TSPAN11: variants seen among roughly 807,000 people sequenced by gnomAD.
TSPAN11 encodes tetraspanin 11, also known as tetraspanin-11.
In TSPAN11, 29 loss-of-function variants were observed where a neutral mutation model predicts 32.9. The ratio of observed to expected loss-of-function variants is 0.88; its 90% CI spans 0.66 to 1.20. The LOEUF is 1.20. TSPAN11 is among the 50% of genes most tolerant of loss of function. TSPAN11 has a pLI of 0.00. For missense variants in TSPAN11, 283 were observed against 329.1 expected (o/e 0.86, Z 1.08); for synonymous variants, 140 against 141.3 (o/e 0.99, Z 0.07).
chr12:31,000,936 AAAGGCTGT>A (rs2140321375), downstream of TSPAN11, among the ~76,000 whole-genome samples: 1 of 152,148 alleles, frequency 6.6e-6, no homozygotes, highest in Non-Finnish European at 1.5e-5. Flanking sequence ...AGTTAACCAC[AAAGGCTGT>A]GCATCTCTCA....
chr12:31,011,810 A>T, the TSPAN11 span, among the ~76,000 whole-genome samples: 8 of 152,256 alleles, frequency 5.3e-5, no homozygotes, highest in Non-Finnish European at 1.0e-4. Flanking sequence ...TCTCAGGTGT[A>T]TGGCGGCAAA....
At chr12:30,929,766 T>G (rs1937879356) in intron 1 of TSPAN11, among the ~76,000 whole-genome samples, 1 of 152,224 alleles carries the variant, frequency 6.6e-6, no homozygotes, top group African/African-American at 2.4e-5. Context: ...GACCCTGATC[T>G]GTATTTACAG....
intron 7 of TSPAN11, among the ~76,000 whole-genome samples, chr12:30,983,570 C>T (rs1022289480): frequency 7.2e-5 from 11 of 151,986 alleles, no homozygotes; most frequent in African/African-American, 2.7e-4. Context: ...TGTGAGTGTG[C>T]ACGTATCTGC....
intron 1 of TSPAN11, among the ~76,000 whole-genome samples, chr12:30,931,567 C>T (rs1475791404): frequency 6.6e-6 from 1 of 152,070 alleles, no homozygotes; most frequent in Non-Finnish European, 1.5e-5. Context: ...AAACCACGGT[C>T]CTATACTGTG....
At chr12:31,010,493 A>AC in the TSPAN11 span, among the ~76,000 whole-genome samples, 1 of 152,138 alleles carries the variant, frequency 6.6e-6, no homozygotes, top group Admixed American at 6.5e-5. Context: ...CAGGGTGGGC[A>AC]ACTTTAAAGC....
Position 30,963,821 on chromosome 12 carries a change from T to C in TSPAN11, c.85-5T>C. On this transcript the variant is annotated splice_region_variant and splice_polypyrimidine_tract_variant and intron_variant, in intron 2 of 7. Coordinates refer to ENST00000546076, the MANE Select transcript of TSPAN11 (RefSeq NM_001370302.1). ...CCCCTGCTCTAACCCGGTGGTCTCC[T>C]GCAGGTCGGGGGAGCAGCCGTCCTG... The C allele has an allele frequency of 6.2e-7, 1 of 1,605,622 alleles. No individual in the cohort carries two copies. The highest frequency in any genetic ancestry group is 1.1e-5 in the South Asian group (1 of 90,958).
At chr12:31,013,590 A>AAAAAC in the TSPAN11 span, among the ~76,000 whole-genome samples, 54,698 of 147,106 alleles carry the variant, frequency 0.37, 10,488 homozygotes, top group Admixed American at 0.51. Context: ...TCCTGTCTCA[A>AAAAAC]AAAACAAAAC....
chr12:30,983,491 A>G (rs1224935450), intron 7 of TSPAN11, among the ~76,000 whole-genome samples: 1 of 152,048 alleles, frequency 6.6e-6, no homozygotes, highest in Non-Finnish European at 1.5e-5. Context: ...GTGTGTCTGC[A>G]TGCTTCTGGG....
intron 2 of TSPAN11, among the ~76,000 whole-genome samples, chr12:30,957,238 C>A (rs893827044): frequency 1.4e-5 from 2 of 147,646 alleles, no homozygotes; most frequent in South Asian, 2.3e-4. Flanking sequence ...ACCCCCCCCC[C>A]CCCCACACCA....
chr12:30,967,739 C>T (rs571114634), intron 3 of TSPAN11, among the ~76,000 whole-genome samples: 1 of 122,272 alleles, frequency 8.2e-6, no homozygotes, highest in South Asian at 2.4e-4. Flanking sequence ...CAGCCACCAA[C>T]GCAGGACTGT....
At chr12:30,957,228 A>AGGCC in intron 2 of TSPAN11, among the ~76,000 whole-genome samples, 1 of 107,472 alleles carries the variant, frequency 9.3e-6, no homozygotes, top group East Asian at 2.6e-4. Flanking sequence ...ATGGCCTGGG[A>AGGCC]CCCCCCCCCC....
At chr12:30,929,082 C>T (rs952936603) in intron 1 of TSPAN11, among the ~76,000 whole-genome samples, 11 of 152,314 alleles carry the variant, frequency 7.2e-5, no homozygotes, top group South Asian at 2.1e-4. Flanking sequence ...ACTGGCAGGG[C>T]GCCAGGTCCC....
chr12:30,977,206 G>A (rs956947500), intron 3 of TSPAN11, among the ~76,000 whole-genome samples: 8 of 152,188 alleles, frequency 5.3e-5, no homozygotes, highest in South Asian at 2.1e-4. Flanking sequence ...CTGCTGAGTC[G>A]TGCAGGAGAT....
chr12:30,968,601 A>G (rs1235228636), intron 3 of TSPAN11, among the ~76,000 whole-genome samples: 1 of 152,238 alleles, frequency 6.6e-6, no homozygotes, highest in Non-Finnish European at 1.5e-5. Context: ...GAGGCCACCT[A>G]GATCAAAAGA....
intron 2 of TSPAN11, 40 bp downstream of exon 2, chr12:30,954,115 TGAA>T: frequency 6.7e-7 from 1 of 1,493,028 alleles, no homozygotes; most frequent in East Asian, 2.3e-5. Context: ...CCCCGAGCAC[TGAA>T]TGAGTCAAGC....
At chr12:30,963,780 C>T (rs1422851901) in intron 2 of TSPAN11, 46 bp from the exon 3 acceptor site, 3 of 1,578,554 alleles carry the variant, frequency 1.9e-6, no homozygotes, top group Non-Finnish European at 2.6e-6. Context: ...ATAGCAGCTG[C>T]CGAGGCCCCC....
At chr12:30,966,823 T>C (rs553270093) in intron 3 of TSPAN11, among the ~76,000 whole-genome samples, 1 of 152,310 alleles carries the variant, frequency 6.6e-6, no homozygotes, top group South Asian at 2.1e-4. Flanking sequence ...AGGGGTGTAG[T>C]GAGGGGACCC....
chr12:30,954,096 C>A lies in TSPAN11; in HGVS notation c.84+21C>A, dbSNP rs186681632. On this transcript the variant is annotated intron_variant, in intron 2 of 7. Transcript: ENST00000546076. The stretch of plus-strand genomic sequence containing the variant: ...TCTGGGTGAGTGAATTCTGCACACA[C>A]ATCCTCTTCCCCGAGCACTGAATGA... 3.5e-3 allele frequency: 5,506 copies of A among 1,571,282 alleles called. 17 individuals are homozygous for A. The highest frequency in any genetic ancestry group is 4.0e-3 in the Non-Finnish European group (4,577 of 1,141,814).
chr12:30,967,816 T>TTTTTTTTTTTTTTTTTTTTTTGAGACG, intron 3 of TSPAN11, among the ~76,000 whole-genome samples: 1 of 148,588 alleles, frequency 6.7e-6, no homozygotes, highest in Non-Finnish European at 1.5e-5. Flanking sequence ...CTGCTTTCTT[T>TTTTTTTTTTTTTTTTTTTTTTGAGACG]GCTTTATCTG....
Sources: gnomAD v4.1 joint callset for allele counts (sites outside exome capture counted in the v4.1 genomes callset) on GRCh38, gnomAD v4.1.1 for gene constraint, MANE v1.5 for transcripts, NCBI Gene and HGNC (gene_info 2026-07-23, HGNC 2026-07-21) for gene names.